The following ZNF138 variants were observed in gnomAD, a reference collection of about 807,000 sequenced individuals.
The protein encoded by ZNF138 is zinc finger protein 138 (clone pHZ-32).
A neutral mutation model predicts 33.0 loss-of-function variants in ZNF138; 33 were observed. The ratio of observed to expected loss-of-function variants is 1.00; its 90% CI spans 0.76 to 1.34. ZNF138 has a LOEUF of 1.34. Ranked by LOEUF, ZNF138 falls within the 40% of genes most tolerant of loss-of-function variation. The pLI, the probability that ZNF138 is intolerant of heterozygous loss-of-function variation, is 0.00. For synonymous variants in ZNF138, 139 were observed against 120.4 expected (o/e 1.15, Z -1.01); for missense variants, 360 against 370.8 (o/e 0.97, Z 0.24).
chr7:64,843,071 T>G, the ZNF138 span, among the ~76,000 whole-genome samples: 1 of 152,230 alleles, frequency 6.6e-6, no homozygotes, highest in Non-Finnish European at 1.5e-5. Flanking sequence ...AATCATGAAA[T>G]AATAATCTTT....
At chr7:64,860,649 C>A in the ZNF138 span, among the ~76,000 whole-genome samples, 1 of 152,136 alleles carries the variant, frequency 6.6e-6, no homozygotes, top group Non-Finnish European at 1.5e-5. Context: ...AAACACCAGA[C>A]AATTATTTTA....
intron 3 of ZNF138, chr7:64,831,111 G>T: frequency 6.5e-7 from 1 of 1,549,654 alleles, no homozygotes. Context: ...TTTTGAAAAA[G>T]AAACCAAGAG....
chr7:64,840,842 C>A, the ZNF138 span, among the ~76,000 whole-genome samples: 4 of 151,982 alleles, frequency 2.6e-5, no homozygotes, highest in Admixed American at 6.6e-5. Context: ...TCTAAATAAA[C>A]CTTAGGTGCA....
intron 1 of ZNF138, among the ~76,000 whole-genome samples, chr7:64,812,179 G>T (rs773409181): frequency 1.5e-4 from 22 of 148,990 alleles, no homozygotes; most frequent in Non-Finnish European, 3.1e-4. Flanking sequence ...TTTTTTTTGA[G>T]ACCCAGTCTT....
At chr7:64,815,175 T>A (rs1162430912) in intron 2 of ZNF138, 131 bp downstream of exon 2, 1 of 966,068 alleles carries the variant, frequency 1.0e-6, no homozygotes, top group Admixed American at 3.5e-5. Context: ...TTCAAAAGAA[T>A]CTTTGAGATT....
chr7:64,822,443 A>G (rs11975606), intron 3 of ZNF138, among the ~76,000 whole-genome samples: 149,218 of 151,492 alleles, frequency 0.98, 73,627 homozygotes, highest in East Asian at 1. Context: ...TTAGGTCTAA[A>G]CATTTTTTTT....
intron 1 of ZNF138, among the ~76,000 whole-genome samples, chr7:64,796,351 C>G (rs1237920187): frequency 6.6e-6 from 1 of 152,144 alleles, no homozygotes; most frequent in Non-Finnish European, 1.5e-5. Flanking sequence ...GTGGGAGAAT[C>G]TCTCAAGTGA....
intron 1 of ZNF138, among the ~76,000 whole-genome samples, chr7:64,796,104 C>T (rs4718112): frequency 0.1 from 15,904 of 152,248 alleles, 1,188 homozygotes; most frequent in East Asian, 0.4. Flanking sequence ...GTCAATCAAT[C>T]ATATGCTGGT....
Position 64,831,574 on chromosome 7 carries a change from G to A in ZNF138, c.332G>A (p.Cys111Tyr). Residue 111 changes from cysteine (C) to tyrosine (Y), a missense_variant, in exon 4 of 4, where the codon TGT (cysteine) becomes TAT (tyrosine). Cys to Tyr is a radical substitution (Grantham distance 194). Coordinates refer to ENST00000307355, the MANE Select transcript of ZNF138 (RefSeq NM_001271639.2). ...GHKNLQLRKG[C>Y]KSVDECKGHQ... ...AAGAATTTACAGTTAAGAAAAGGCTGTAAAAGTGTGGATGAGTGTAAGGGA... is the reference window on the plus strand; with the variant it reads ...AAGAATTTACAGTTAAGAAAAGGCTATAAAAGTGTGGATGAGTGTAAGGGA... 6.2e-7 allele frequency: 1 copy of A among 1,613,632 alleles called. No individual in the cohort carries two copies. The highest frequency in any genetic ancestry group is 2.2e-5 in the East Asian group (1 of 44,854).
the ZNF138 span, among the ~76,000 whole-genome samples, chr7:64,850,748 G>A: frequency 6.6e-5 from 10 of 152,232 alleles, no homozygotes; most frequent in South Asian, 1.9e-3. Context: ...AATTAAAGCA[G>A]TTAATACAAA....
intron 1 of ZNF138, among the ~76,000 whole-genome samples, chr7:64,801,905 C>G (rs563061452): frequency 6.6e-6 from 1 of 152,204 alleles, no homozygotes; most frequent in Admixed American, 6.5e-5. Flanking sequence ...CGGGGTCACA[C>G]AAACCTGCCT....
intron 1 of ZNF138, among the ~76,000 whole-genome samples, chr7:64,797,435 C>T (rs1437907680): frequency 1.3e-5 from 2 of 152,110 alleles, no homozygotes; most frequent in African/African-American, 4.8e-5. Flanking sequence ...GTTTAAAAAA[C>T]CATTTGAACA....
intron 1 of ZNF138, among the ~76,000 whole-genome samples, chr7:64,795,341 G>A (rs1379151223): frequency 2.0e-5 from 3 of 152,050 alleles, no homozygotes; most frequent in Non-Finnish European, 4.4e-5. Flanking sequence ...CTCCACAGGG[G>A]ACAGATCTTC....
At chr7:64,803,258 G>GTT (rs60101981) in intron 1 of ZNF138, among the ~76,000 whole-genome samples, 367 of 113,018 alleles carry the variant, frequency 3.2e-3, no homozygotes, top group Middle Eastern at 4.9e-3. Flanking sequence ...TTTGGCAAAG[G>GTT]TTTTTTTTTT....
chr7:64,805,120 C>T lies in ZNF138; in HGVS notation c.4-9798C>T, dbSNP rs539133562. Among the ~76,000 whole-genome samples the T allele has an allele frequency of 3.9e-5, 6 of 152,142 alleles. No homozygotes were observed. The East Asian group carries it at 5.8e-4, about 15-fold the overall frequency. On this transcript the variant is annotated intron_variant, in intron 1 of 3. Transcript: ENST00000307355. ...ACCACTATAAATAGAAACTGATGGC[C>T]GGGCGCAGTGGCTCACACCTATAAT...
chr7:64,860,161 A>T, the ZNF138 span, among the ~76,000 whole-genome samples: 1 of 152,234 alleles, frequency 6.6e-6, no homozygotes, highest in East Asian at 1.9e-4. Context: ...TACAATTATA[A>T]CATCCTAAGT....
At chr7:64,803,396 C>T (rs987380822) in intron 1 of ZNF138, among the ~76,000 whole-genome samples, 1 of 151,426 alleles carries the variant, frequency 6.6e-6, no homozygotes, top group Non-Finnish European at 1.5e-5. Context: ...ATGATGAAGA[C>T]TAAAAGATAC....
Position 64,832,599 on chromosome 7 carries a change from G to T in ZNF138, c.*397G>T. The T allele has an allele frequency of 1.9e-6, 1 of 515,698 alleles. No homozygotes were observed. Among genetic ancestry groups the T allele is most frequent in the South Asian group, 1.6e-5 (1 of 60,614 alleles). The allele number at this position is 515,698 out of a possible 1,614,324, so 31.9% of individuals were successfully genotyped here. ...AAAACCCTACAAATGTGAAGAATGT[G>T]GCAAAGCTTTTAACCAGTCCTCACA... On this transcript the variant is annotated 3_prime_UTR_variant, in exon 4 of 4. Transcript: ENST00000307355.
chr7:64,816,382 A>G (rs1788637474), intron 3 of ZNF138, among the ~76,000 whole-genome samples: 1 of 151,916 alleles, frequency 6.6e-6, no homozygotes, highest in African/African-American at 2.4e-5. Flanking sequence ...TTTTATTGAT[A>G]TGTTACATTG....
Sources: allele counts gnomAD v4.1 joint callset (sites outside exome capture counted in the v4.1 genomes callset), GRCh38; gene constraint gnomAD v4.1.1; transcripts MANE v1.5; gene names NCBI Gene and HGNC (gene_info 2026-07-23, HGNC 2026-07-21).